Variants in RANBP2 observed in about 807,000 individuals in gnomAD.
RANBP2 encodes RAN binding protein 2.
In RANBP2, 57 loss-of-function variants were observed where a neutral mutation model predicts 303.6. That is an observed-to-expected ratio of 0.19 (90% CI 0.15 to 0.23). RANBP2 has a LOEUF of 0.23. RANBP2 is among the 10% of genes least tolerant of loss of function. The pLI, the probability that RANBP2 is intolerant of heterozygous loss-of-function variation, is 1.00. For missense variants in RANBP2, 3,138 were observed against 3,780.8 expected (o/e 0.83, Z 4.46); for synonymous variants, 1,167 against 1,301.5 (o/e 0.90, Z 2.23).
the RANBP2 span, among the ~76,000 whole-genome samples, chr2:109,076,057 C>T: frequency 1.1e-4 from 17 of 150,180 alleles, 1 homozygote; most frequent in African/African-American, 2.4e-4. Context: ...ATTAGCAAAG[C>T]GAATTCATTA....
chr2:109,257,322 G>A, the RANBP2 span, among the ~76,000 whole-genome samples: 1 of 146,906 alleles, frequency 6.8e-6, no homozygotes, highest in African/African-American at 2.7e-5. Context: ...AAGAGGGAAG[G>A]AGGAATGAAG....
chr2:109,435,183 G>A, the RANBP2 span, among the ~76,000 whole-genome samples: 10 of 152,184 alleles, frequency 6.6e-5, no homozygotes, highest in Admixed American at 2.6e-4. Flanking sequence ...CGCCCGGGTC[G>A]GCTGCCCCCA....
the RANBP2 span, among the ~76,000 whole-genome samples, chr2:109,093,406 T>TAAAAAAAAAAAAAAAAAAAAAAA: frequency 1.3e-4 from 12 of 90,690 alleles, no homozygotes; most frequent in Admixed American, 2.6e-4. Flanking sequence ...CGGAGATTTG[T>TAAAAAAAAAAAAAAAAAAAAAAA]AAAAAAAAAA....
At chr2:109,129,255 G>A in the RANBP2 span, 1 of 586,274 alleles carries the variant, frequency 1.7e-6, no homozygotes, top group Non-Finnish European at 3.0e-6. Flanking sequence ...CCCCCGCGCG[G>A]GGCGGACTTG....
chr2:109,381,292 T>G, the RANBP2 span, among the ~76,000 whole-genome samples: 1 of 152,200 alleles, frequency 6.6e-6, no homozygotes, highest in African/African-American at 2.4e-5. Flanking sequence ...CCAGACTGCT[T>G]CTCCCCTAGG....
intron 3 of RANBP2, among the ~76,000 whole-genome samples, chr2:108,731,099 T>G (rs530777875): frequency 6.6e-6 from 1 of 152,314 alleles, no homozygotes; most frequent in African/African-American, 2.4e-5. Context: ...TCTTTTGTGT[T>G]TTTTGTATTC....
chr2:109,137,741 C>T, the RANBP2 span, among the ~76,000 whole-genome samples: 1 of 152,238 alleles, frequency 6.6e-6, no homozygotes, highest in Non-Finnish European at 1.5e-5. Context: ...TCTCATTAGA[C>T]ACCACCCGTC....
the RANBP2 span, among the ~76,000 whole-genome samples, chr2:109,002,612 A>G: frequency 6.6e-6 from 1 of 152,012 alleles, no homozygotes; most frequent in African/African-American, 2.4e-5. Flanking sequence ...CTAACCTCAC[A>G]TGGACCTAGG....
chr2:108,994,922 C>T, the RANBP2 span, among the ~76,000 whole-genome samples: 4 of 150,586 alleles, frequency 2.7e-5, no homozygotes, highest in Admixed American at 6.6e-5. Flanking sequence ...CTCCACCTCC[C>T]GGGTTCACGC....
chr2:109,470,195 T>A, the RANBP2 span, among the ~76,000 whole-genome samples: 1 of 152,284 alleles, frequency 6.6e-6, no homozygotes, highest in Non-Finnish European at 1.5e-5. Context: ...TCCTGGGACC[T>A]CACTACGTAA....
chr2:109,458,601 A>AGAGAGAGAGAGAGAGAGT, the RANBP2 span, among the ~76,000 whole-genome samples: 1 of 148,956 alleles, frequency 6.7e-6, no homozygotes, highest in Non-Finnish European at 1.5e-5. Context: ...AGAGAGAGAG[A>AGAGAGAGAGAGAGAGAGT]ATTTATTTAT....
At chr2:109,545,862 C>T in the RANBP2 span, 2 of 1,445,794 alleles carry the variant, frequency 1.4e-6, no homozygotes, top group Non-Finnish European at 9.1e-7. Flanking sequence ...GTGCCAGGTG[C>T]TGTTCTGGAT....
At chr2:109,301,995 C>G in the RANBP2 span, among the ~76,000 whole-genome samples, 1 of 152,322 alleles carries the variant, frequency 6.6e-6, no homozygotes, top group South Asian at 2.1e-4. Context: ...TCAGCATCTT[C>G]GTTGTGTGAC....
the RANBP2 span, among the ~76,000 whole-genome samples, chr2:108,958,999 A>C: frequency 6.6e-6 from 1 of 152,242 alleles, no homozygotes; most frequent in Non-Finnish European, 1.5e-5. Flanking sequence ...GGCTGAGGCC[A>C]TTGGAATTGG....
the RANBP2 span, chr2:108,912,714 T>G: frequency 6.2e-7 from 1 of 1,602,396 alleles, no homozygotes; most frequent in Non-Finnish European, 8.5e-7. Flanking sequence ...AGGGTGCTGC[T>G]GCCCGAGGTG....
the RANBP2 span, chr2:108,873,442 G>C: frequency 1.3e-6 from 2 of 1,577,810 alleles, no homozygotes; most frequent in Non-Finnish European, 1.7e-6. Flanking sequence ...CTGTTGATTT[G>C]TTTTGCAGAA....
At chr2:108,826,577 A>T in the RANBP2 span, among the ~76,000 whole-genome samples, 1 of 152,202 alleles carries the variant, frequency 6.6e-6, no homozygotes, top group Admixed American at 6.5e-5. Flanking sequence ...AAGAGGGTCC[A>T]TATCTGGATT....
the RANBP2 span, among the ~76,000 whole-genome samples, chr2:108,877,504 A>C: frequency 1.3e-5 from 2 of 152,118 alleles, no homozygotes; most frequent in African/African-American, 4.8e-5. Context: ...AAAACGCAGA[A>C]GCCAAAGTGC....
At chr2:108,906,202 G>A in the RANBP2 span, 3 of 1,167,218 alleles carry the variant, frequency 2.6e-6, no homozygotes, top group Non-Finnish European at 3.9e-6. Context: ...GCAACTGGAT[G>A]GGCGGCTTCC....
Sources: allele counts gnomAD v4.1 joint callset (sites outside exome capture counted in the v4.1 genomes callset), GRCh38; gene constraint gnomAD v4.1.1; transcripts MANE v1.5; gene names NCBI Gene and HGNC (gene_info 2026-07-23, HGNC 2026-07-21).